Variants in ICAM1 observed in about 807,000 individuals in gnomAD.
The protein encoded by ICAM1 is ICAM-1.
Under a neutral mutation model 42.3 loss-of-function variants are expected in ICAM1, and 28 were observed. That is an observed-to-expected ratio of 0.66 (90% CI 0.49 to 0.91). The LOEUF is 0.91. ICAM1 is among the 40% of genes least tolerant of loss of function. ICAM1 has a pLI of 0.00. For synonymous variants in ICAM1, 304 were observed against 305.9 expected (o/e 0.99, Z 0.07); for missense variants, 637 against 688.6 (o/e 0.93, Z 0.84).
At chr19:10,273,542 G>A (rs1222827368) in intron 1 of ICAM1, among the ~76,000 whole-genome samples, 1 of 151,948 alleles carries the variant, frequency 6.6e-6, no homozygotes, top group Admixed American at 6.6e-5. Context: ...GTGGTGTCCT[G>A]TAGTCCCAGC....
rs554803592 is a variant in ICAM1, at chr19:10,282,592, C to T, written c.332-889C>T. On this transcript the variant is annotated intron_variant, in intron 2 of 6. Transcript: ENST00000264832. ...TAGAGATGGGGGTCTCCCTATGTTG[C>T]CCAGGCTTGTCTTGAACTCCTGGCC... is the stretch of plus-strand genomic sequence containing the variant. Among the ~76,000 whole-genome samples, 281 of 151,886 alleles carry T rather than the reference C, an allele frequency of 1.9e-3. 1 individual carries two copies. Among genetic ancestry groups the T allele is most frequent in the South Asian group, 3.5e-3 (17 of 4,790 alleles).
At position 10,284,332 on chromosome 19, in the gene ICAM1, CA is replaced by C; in HGVS notation, c.925+13del. 6.2e-6 allele frequency: 10 copies of C among 1,612,628 alleles called. No individual in the cohort carries two copies. The highest frequency in any genetic ancestry group is 2.2e-5 in the East Asian group (1 of 44,874). ...AGTGACCATCTACAGTAAGAAGGGG[CA>C]GGGGCGGAGTGGGGCTTCTTGGGGG... On this transcript the variant is annotated intron_variant, in intron 4 of 6. Coordinates refer to ENST00000264832, the MANE Select transcript of ICAM1 (RefSeq NM_000201.3). This position sits in a 1 kb window ranked among gnomAD's most constrained non-coding sequence, Gnocchi z 5.4.
At chr19:10,273,296 C>A (rs899463965) in intron 1 of ICAM1, among the ~76,000 whole-genome samples, 1 of 151,724 alleles carries the variant, frequency 6.6e-6, no homozygotes, top group African/African-American at 2.4e-5. Flanking sequence ...AGTTTGAGAC[C>A]AGCCTGACCA....
At chr19:10,280,769 A>G (rs5030368) in intron 2 of ICAM1, among the ~76,000 whole-genome samples, 1,723 of 150,980 alleles carry the variant, frequency 0.011, 25 homozygotes, top group African/African-American at 0.039. Flanking sequence ...GGGTTTCTCC[A>G]TGTTGGTCAG....
At chr19:10,272,633 C>T (rs1380649813) in intron 1 of ICAM1, among the ~76,000 whole-genome samples, 4 of 135,900 alleles carry the variant, frequency 2.9e-5, no homozygotes, top group Non-Finnish European at 4.6e-5. Flanking sequence ...GGCGTGATCT[C>T]GGCTCACTGC....
At chr19:10,278,120 C>T (rs1188638102) in intron 2 of ICAM1, among the ~76,000 whole-genome samples, 1 of 152,164 alleles carries the variant, frequency 6.6e-6, no homozygotes, top group Non-Finnish European at 1.5e-5. Context: ...TCACCTGAGC[C>T]TGGGAGGTCC....
At chr19:10,280,333 A>ATT (rs1178790231) in intron 2 of ICAM1, among the ~76,000 whole-genome samples, 2 of 151,908 alleles carry the variant, frequency 1.3e-5, no homozygotes, top group East Asian at 1.9e-4. Flanking sequence ...ATATATATAT[A>ATT]TTTTTTTGTT....
chr19:10,275,068 G>C, intron 2 of ICAM1, 40 bp downstream of exon 2: 1 of 1,598,392 alleles, frequency 6.3e-7, no homozygotes, highest in Non-Finnish European at 8.5e-7. Flanking sequence ...AGGCAGACCC[G>C]GTGGGAGAGA....
intron 2 of ICAM1, among the ~76,000 whole-genome samples, chr19:10,276,578 C>G (rs994276779): frequency 1.3e-5 from 2 of 149,386 alleles, no homozygotes; most frequent in African/African-American, 4.9e-5. Context: ...TTGATAACAG[C>G]TGTGCTGCCA....
At chr19:10,275,719 T>A (rs1366143653) in intron 2 of ICAM1, among the ~76,000 whole-genome samples, 10 of 147,396 alleles carry the variant, frequency 6.8e-5, no homozygotes, top group African/African-American at 2.5e-4. Context: ...TTTTTTTTTT[T>A]TTTTTTGAGA....
At position 10,271,211 on chromosome 19, in the gene ICAM1, G is replaced by C. The variant is rs200158754; in HGVS notation, c.52G>C (p.Gly18Arg). The change falls in exon 1 of 7, where the codon GGG becomes CGG. Residue 18 changes from glycine (G) to arginine (R), a missense_variant. Transcript: ENST00000264832. ...PALPALLVLLGALFPGPGNAQ... is the reference protein window; with the variant it reads ...PALPALLVLLRALFPGPGNAQ... ...GCTGCCCGCACTCCTGGTCCTGCTC[G>C]GGGCTCTGTTCCCAGGTGAGTCGGG... The C allele has an allele frequency of 1.3e-5, 21 of 1,613,350 alleles. No individual in the cohort carries two copies. Among genetic ancestry groups the C allele is most frequent in the South Asian group, 1.2e-4 (11 of 90,964 alleles).
chr19:10,277,499 G>GTTT (rs1318276443), intron 2 of ICAM1, among the ~76,000 whole-genome samples: 1 of 145,922 alleles, frequency 6.9e-6, no homozygotes, highest in Non-Finnish European at 1.5e-5. Context: ...TTTTGTTGTT[G>GTTT]TCTTTTTGAG....
rs1424977643 is a variant in ICAM1 at position 10,284,314 on chromosome 19, A to G, written c.919A>G (p.Ile307Val). 1.9e-6 allele frequency: 3 copies of G among 1,613,384 alleles called. No homozygotes were observed. The highest frequency in any genetic ancestry group is 1.7e-5 in the Admixed American group (1 of 60,028). ...CCAGGAGACACTGCAGACAGTGACC[A>G]TCTACAGTAAGAAGGGGCAGGGGCG... is the stretch of plus-strand genomic sequence containing the variant. ...QSQETLQTVT[I>V]YSFPAPNVIL... The change falls in exon 4 of 7, where the codon ATC becomes GTC. Residue 307 changes from isoleucine (I) to valine (V), a missense_variant. Transcript: ENST00000264832. This position sits in a 1 kb window ranked among gnomAD's most constrained non-coding sequence, Gnocchi z 5.4.
rs756826357 is a variant in ICAM1 at position 10,284,358 on chromosome 19, G to A, written c.925+38G>A. ...AGGGGCGGAGTGGGGCTTCTTGGGGGTGTGACCTGAACCCGGGGCGGGGCT... is the reference window on the plus strand; with the variant it reads ...AGGGGCGGAGTGGGGCTTCTTGGGGATGTGACCTGAACCCGGGGCGGGGCT... On this transcript the variant is annotated intron_variant, in intron 4 of 6. Coordinates refer to ENST00000264832, the MANE Select transcript of ICAM1 (RefSeq NM_000201.3). This position sits in a 1 kb window ranked among gnomAD's most constrained non-coding sequence, Gnocchi z 5.4. 4 of 1,611,786 alleles carry A rather than the reference G, an allele frequency of 2.5e-6. No individual in the cohort carries two copies. The East Asian group carries it at 8.9e-5, about 36-fold the overall frequency.
At chr19:10,275,369 C>A (rs571297393) in intron 2 of ICAM1, among the ~76,000 whole-genome samples, 8 of 152,138 alleles carry the variant, frequency 5.3e-5, no homozygotes, top group Non-Finnish European at 8.8e-5. Flanking sequence ...TGGTGTCAAG[C>A]GCCTGTAATC....
chr19:10,278,600 T>C (rs1037333980), intron 2 of ICAM1, among the ~76,000 whole-genome samples: 12 of 134,924 alleles, frequency 8.9e-5, no homozygotes, highest in African/African-American at 3.3e-4. Context: ...TCTTGCTCTG[T>C]CGCCCAGGCT....
intron 1 of ICAM1, among the ~76,000 whole-genome samples, chr19:10,274,504 G>T (rs973780055): frequency 2.6e-5 from 4 of 151,966 alleles, no homozygotes; most frequent in Admixed American, 2.6e-4. Flanking sequence ...TAGTGGAGAC[G>T]GGGCTTTGTC....
At chr19:10,276,227 C>T (rs2040015642) in intron 2 of ICAM1, among the ~76,000 whole-genome samples, 3 of 151,092 alleles carry the variant, frequency 2.0e-5, no homozygotes, top group Admixed American at 2.0e-4. Flanking sequence ...CCTGGGATGG[C>T]ATTTTTCACA....
At chr19:10,278,394 A>AT (rs1158268026) in intron 2 of ICAM1, among the ~76,000 whole-genome samples, 16 of 152,010 alleles carry the variant, frequency 1.1e-4, no homozygotes, top group Admixed American at 6.6e-4. Context: ...CTCTGGGTAA[A>AT]TGATCAAATG....
Sources: allele counts gnomAD v4.1 joint callset (sites outside exome capture counted in the v4.1 genomes callset), GRCh38; gene constraint gnomAD v4.1.1; non-coding constraint Gnocchi (gnomAD v3.1); transcripts MANE v1.5; gene names NCBI Gene and HGNC (gene_info 2026-07-23, HGNC 2026-07-21).